The following SH3BGRL2 variants were observed in gnomAD, a reference collection of about 807,000 sequenced individuals.
SH3BGRL2 encodes the protein SH3 domain binding glutamate rich protein like 2, also known as SH3 domain-binding glutamic acid-rich-like protein 2.
A neutral mutation model predicts 14.8 loss-of-function variants in SH3BGRL2; 21 were observed. The observed-to-expected ratio is 1.42, with a 90% confidence interval of 1.01 to 2.05. The LOEUF is 2.05. SH3BGRL2 is among the 30% of genes most tolerant of loss of function. The probability of loss-of-function intolerance (pLI) is 0.00; values close to 1 mark genes in which losing one functional copy is unlikely to be tolerated. For synonymous variants in SH3BGRL2, 50 were observed against 47.8 expected, an observed-to-expected ratio of 1.05 and a Z score of -0.19; for missense variants, 147 against 130.8, an observed-to-expected ratio of 1.12 and a Z score of -0.61.
chr6:79,580,965 T>C, the SH3BGRL2 span, among the ~76,000 whole-genome samples: 16,224 of 152,172 alleles, frequency 0.11, 973 homozygotes, highest in Non-Finnish European at 0.13. Context: ...ATATCATCAC[T>C]GATCCCACAG....
chr6:79,566,682 T>C, the SH3BGRL2 span, among the ~76,000 whole-genome samples: 3 of 152,228 alleles, frequency 2.0e-5, no homozygotes, highest in South Asian at 2.1e-4. Context: ...AAATCACTTA[T>C]GGGACCAGTG....
At chr6:79,657,172 A>T (rs549474792) in intron 1 of SH3BGRL2, among the ~76,000 whole-genome samples, 44 of 151,724 alleles carry the variant, frequency 2.9e-4, no homozygotes, top group African/African-American at 1.1e-3. Context: ...TTTTTTTTTT[A>T]AATCAAGAGC....
At chr6:79,608,774 A>G in the SH3BGRL2 span, among the ~76,000 whole-genome samples, 2 of 152,120 alleles carry the variant, frequency 1.3e-5, no homozygotes, top group Non-Finnish European at 2.9e-5. Context: ...GTTTTCTGAA[A>G]CTACACATGT....
intron 2 of SH3BGRL2, among the ~76,000 whole-genome samples, chr6:79,684,187 A>C (rs571650575): frequency 6.6e-6 from 1 of 152,268 alleles, no homozygotes; most frequent in Admixed American, 6.5e-5. Context: ...TTCTTACCTC[A>C]TATACCCAGT....
At chr6:79,671,321 G>A (rs1769769505) in intron 1 of SH3BGRL2, among the ~76,000 whole-genome samples, 1 of 152,052 alleles carries the variant, frequency 6.6e-6, no homozygotes, top group Non-Finnish European at 1.5e-5. Flanking sequence ...ACAAAAATTA[G>A]CCAGGCGTGA....
At chr6:79,695,448 C>T (rs1219169723) in intron 2 of SH3BGRL2, among the ~76,000 whole-genome samples, 4 of 152,158 alleles carry the variant, frequency 2.6e-5, no homozygotes, top group Admixed American at 1.3e-4. Flanking sequence ...GTCTAGATGC[C>T]GTTGGCTTGG....
chr6:79,656,434 G>A (rs981370756), intron 1 of SH3BGRL2, among the ~76,000 whole-genome samples: 1 of 152,094 alleles, frequency 6.6e-6, no homozygotes, highest in Non-Finnish European at 1.5e-5. Flanking sequence ...ACTCTTCCAG[G>A]CAATTCCTAG....
chr6:79,631,156 G>C (rs1768813869), upstream of SH3BGRL2: 1 of 326,012 alleles, frequency 3.1e-6, no homozygotes, highest in African/African-American at 2.1e-5. Context: ...GCGTGTTCGG[G>C]ATAGAAGCGC....
At chr6:79,556,933 TAAAA>T in the SH3BGRL2 span, among the ~76,000 whole-genome samples, 1 of 152,006 alleles carries the variant, frequency 6.6e-6, no homozygotes, top group Non-Finnish European at 1.5e-5. Flanking sequence ...TAAAACTTCT[TAAAA>T]TATATGTTCT....
chr6:79,549,629 A>G, the SH3BGRL2 span, among the ~76,000 whole-genome samples: 1 of 152,308 alleles, frequency 6.6e-6, no homozygotes, highest in South Asian at 2.1e-4. Context: ...CGAGGTGTGT[A>G]GTAGGGTTAA....
chr6:79,561,226 T>C, the SH3BGRL2 span: 1 of 151,826 alleles, frequency 6.6e-6, no homozygotes, highest in African/African-American at 2.4e-5. Flanking sequence ...TTAAATACAT[T>C]TAATACTCTT....
At chr6:79,692,839 G>A (rs1362550089) in intron 2 of SH3BGRL2, among the ~76,000 whole-genome samples, 1 of 152,116 alleles carries the variant, frequency 6.6e-6, no homozygotes, top group East Asian at 1.9e-4. Context: ...TGGCGATGCG[G>A]GCTCTTTTTT....
chr6:79,548,873 AG>A, the SH3BGRL2 span, among the ~76,000 whole-genome samples: 1 of 152,292 alleles, frequency 6.6e-6, no homozygotes, highest in South Asian at 2.1e-4. Context: ...ACAGAGATGA[AG>A]GGAATGAGGG....
chr6:79,549,416 TACTC>T, the SH3BGRL2 span, among the ~76,000 whole-genome samples: 5 of 152,228 alleles, frequency 3.3e-5, no homozygotes. Flanking sequence ...ATGGACCACA[TACTC>T]ACCAGTGGTC....
At chr6:79,673,539 CTAGTTCAGT>C in intron 1 of SH3BGRL2, 66 bp from the exon 2 acceptor site, 3 of 1,419,562 alleles carry the variant, frequency 2.1e-6, no homozygotes, top group South Asian at 1.3e-5. Flanking sequence ...TGACATAAAT[CTAGTTCAGT>C]TTGGAAGTAT....
chr6:79,639,262 G>A (rs1182874465), intron 1 of SH3BGRL2, among the ~76,000 whole-genome samples: 4 of 152,102 alleles, frequency 2.6e-5, no homozygotes, highest in Non-Finnish European at 1.5e-5. Context: ...AAATTAGCAT[G>A]ACTTACTGAT....
chr6:79,663,760 C>T (rs1310778324), intron 1 of SH3BGRL2, among the ~76,000 whole-genome samples: 2 of 152,212 alleles, frequency 1.3e-5, no homozygotes, highest in Admixed American at 6.5e-5. Context: ...TTCAGCTATG[C>T]CCTGCTCACA....
the SH3BGRL2 span, among the ~76,000 whole-genome samples, chr6:79,543,275 A>G: frequency 7.9e-5 from 12 of 152,304 alleles, no homozygotes; most frequent in East Asian, 2.3e-3. Context: ...TTTTTGTACT[A>G]ACATTTTGAC....
intron 2 of SH3BGRL2, among the ~76,000 whole-genome samples, chr6:79,674,002 G>A (rs1167150691): frequency 6.6e-6 from 1 of 151,986 alleles, no homozygotes; most frequent in Non-Finnish European, 1.5e-5. Flanking sequence ...AGGGTTGTGT[G>A]GTATGTGAAT....
Sources: allele counts gnomAD v4.1 joint callset (sites outside exome capture counted in the v4.1 genomes callset), GRCh38; gene constraint gnomAD v4.1.1; transcripts MANE v1.5; gene names NCBI Gene and HGNC (gene_info 2026-07-23, HGNC 2026-07-21).